Variants in STK17B observed in about 807,000 individuals in gnomAD.
STK17B encodes the protein serine/threonine kinase 17b.
Under a neutral mutation model 42.0 loss-of-function variants are expected in STK17B, and 21 were observed. That is an observed-to-expected ratio of 0.50 (90% CI 0.35 to 0.72). The LOEUF (loss-of-function observed/expected upper bound fraction) is 0.72. STK17B is among the 30% of genes least tolerant of loss of function. The pLI, the probability that STK17B is intolerant of heterozygous loss-of-function variation, is 0.00. For synonymous variants in STK17B, 143 were observed against 148.4 expected (o/e 0.96, Z 0.26); for missense variants, 349 against 446.0 (o/e 0.78, Z 1.96).
At position 196,137,477 on chromosome 2, in the gene STK17B, G is replaced by A; in HGVS notation, c.1089C>T (p.Pro363=). 1.9e-6 allele frequency: 3 copies of A among 1,613,968 alleles called. No individual in the cohort carries two copies. Among genetic ancestry groups the A allele is most frequent in the African/African-American group, 1.3e-5 (1 of 75,038 alleles). ...AGAGCAAATCTGAAACAAGTTCATG[G>A]GGATTGGGTAATGAGTCATCGAAAC... The part of the protein sequence containing the change: ...RFRFDDSLPN[P]HELVSDLLC The change falls in exon 8 of 8, where the codon CCC becomes CCT. Residue 363 remains proline (P), a synonymous_variant. Coordinates refer to ENST00000263955, the MANE Select transcript of STK17B (RefSeq NM_004226.4).
rs1173271695 is a variant in STK17B, at chr2:196,135,922, CACAT to C, written c.*1521_*1524del. On this transcript the variant is annotated 3_prime_UTR_variant, in exon 8 of 8. Coordinates refer to ENST00000263955, the MANE Select transcript of STK17B (RefSeq NM_004226.4). ...ACACCTGTACATACACACATGTGCA[CACAT>C]ACACACACAAGTAGAGAAAACTTTT... 6.6e-6 allele frequency: 1 copy of C among 151,920 alleles called. No homozygotes were observed. The highest frequency in any genetic ancestry group is 2.4e-5 in the African/African-American group (1 of 41,432). 9.4% of individuals were successfully genotyped at this position (151,920 alleles called of 1,614,324 possible).
intron 3 of STK17B, chr2:196,153,211 T>C (rs2105697493): frequency 7.8e-6 from 1 of 127,438 alleles, no homozygotes; most frequent in African/African-American, 2.8e-5. Context: ...TAACTCTAAC[T>C]AGATACCCTT....
upstream of STK17B, among the ~76,000 whole-genome samples, chr2:196,171,903 A>G (rs901542919): frequency 6.6e-6 from 1 of 152,138 alleles, no homozygotes; most frequent in Non-Finnish European, 1.5e-5. Flanking sequence ...TCCCACCTTC[A>G]GAGAGGTCAG....
chr2:196,166,638 GA>G (rs1230345572), intron 1 of STK17B, among the ~76,000 whole-genome samples: 1 of 152,082 alleles, frequency 6.6e-6, no homozygotes, highest in Non-Finnish European at 1.5e-5. Context: ...TATTTTTAAA[GA>G]TTTTTTTCAT....
At chr2:196,166,927 C>T (rs1211992377) in intron 1 of STK17B, among the ~76,000 whole-genome samples, 20 of 152,060 alleles carry the variant, frequency 1.3e-4, no homozygotes, top group Admixed American at 1.3e-3. Context: ...TGTTTTGATT[C>T]CTTCATTAGC....
intron 1 of STK17B, among the ~76,000 whole-genome samples, chr2:196,164,186 A>G (rs1699849200): frequency 6.6e-6 from 1 of 151,908 alleles, no homozygotes; most frequent in Non-Finnish European, 1.5e-5. Context: ...ACATATTGTG[A>G]GTTATATTAC....
chr2:196,163,404 G>A lies in STK17B; in HGVS notation c.-21C>T. Reference sequence around the variant, plus strand: ...GACATGTTAGGTGATTCCCAGGTCTGCTTCTTTAGTCACTTATTTTTACCT... The same window carrying A: ...GACATGTTAGGTGATTCCCAGGTCTACTTCTTTAGTCACTTATTTTTACCT... On this transcript the variant is annotated 5_prime_UTR_variant, in exon 2 of 8. Transcript: ENST00000263955. The A allele has an allele frequency of 1.3e-6, 2 of 1,561,558 alleles. No individual in the cohort carries two copies. Among genetic ancestry groups the A allele is most frequent in the Non-Finnish European group, 1.7e-6 (2 of 1,161,980 alleles).
intron 4 of STK17B, 31 bp from the exon 5 acceptor site, chr2:196,143,717 T>A (rs1447442641): frequency 6.8e-7 from 1 of 1,460,946 alleles, no homozygotes; most frequent in Admixed American, 2.5e-5. Flanking sequence ...ACATGATAAG[T>A]AATATACAAA....
intron 5 of STK17B, 130 bp from the exon 6 acceptor site, chr2:196,141,427 A>G: frequency 1.5e-6 from 1 of 671,228 alleles, no homozygotes; most frequent in Non-Finnish European, 2.6e-6. Flanking sequence ...TGGGAGGCTG[A>G]GGCAGGCAGA....
chr2:196,173,090 C>T (rs1279020933), upstream of STK17B, among the ~76,000 whole-genome samples: 4 of 152,110 alleles, frequency 2.6e-5, no homozygotes, highest in Non-Finnish European at 5.9e-5. Context: ...CCATACTCCC[C>T]GTCACTAATC....
intron 2 of STK17B, among the ~76,000 whole-genome samples, chr2:196,161,504 T>C (rs1012635987): frequency 6.9e-6 from 1 of 144,226 alleles, no homozygotes; most frequent in African/African-American, 2.6e-5. Context: ...AGGTAGATAT[T>C]ATAATTCTTT....
rs768851113 is a variant in STK17B, at chr2:196,137,553, T to C, written c.1013A>G (p.Glu338Gly). Reference protein sequence around the residue: ...SSCNGTCGDREDKENIPEDSS... With the variant: ...SSCNGTCGDRGDKENIPEDSS... ...ATCCTCTGGGATATTCTCTTTGTCT[T>C]CTCTATCACCACAGGTTCCATTACA... is the stretch of plus-strand genomic sequence containing the variant. Residue 338 changes from glutamate (E) to glycine (G), a missense_variant, in exon 8 of 8, where the codon GAA becomes GGA. Coordinates refer to ENST00000263955, the MANE Select transcript of STK17B (RefSeq NM_004226.4). The C allele has an allele frequency of 1.2e-6, 2 of 1,614,130 alleles. No homozygotes were observed. The highest frequency in any genetic ancestry group is 1.3e-5 in the African/African-American group (1 of 75,050).
At chr2:196,143,533 G>A (rs767632562) in intron 5 of STK17B, 27 bp downstream of exon 5, 17 of 1,574,706 alleles carry the variant, frequency 1.1e-5, no homozygotes, top group Non-Finnish European at 1.4e-5. Flanking sequence ...TTTCAAAATG[G>A]TATAGAAAAT....
rs950006605 is a variant in STK17B at position 196,134,677 on chromosome 2, C to T, written c.*2770G>A. On this transcript the variant is annotated 3_prime_UTR_variant, in exon 8 of 8. Coordinates refer to ENST00000263955, the MANE Select transcript of STK17B (RefSeq NM_004226.4). ...GGGAAAATAATTAAAATGACAATTG[C>T]AATTGTCATCTATATATCATCTATT... 1 of 152,112 alleles carries T rather than the reference C, an allele frequency of 6.6e-6. No homozygotes were observed. Among genetic ancestry groups the T allele is most frequent in the Non-Finnish European group, 1.5e-5 (1 of 68,024 alleles). 9.4% of individuals were successfully genotyped at this position (152,112 alleles called of 1,614,324 possible). A position where few individuals can be genotyped will look rare whatever the true frequency, so the allele number is the denominator to read the frequency against.
At chr2:196,152,828 T>A (rs1262039043) in intron 3 of STK17B, among the ~76,000 whole-genome samples, 1 of 152,190 alleles carries the variant, frequency 6.6e-6, no homozygotes, top group East Asian at 1.9e-4. Flanking sequence ...ATAAATGTGG[T>A]TAGCTACATA....
chr2:196,156,694 G>A (rs773840361), intron 2 of STK17B, 43 bp from the exon 3 acceptor site: 5 of 1,478,504 alleles, frequency 3.4e-6, no homozygotes, highest in Non-Finnish European at 4.7e-6. Flanking sequence ...TTTCTGCAGA[G>A]AACAACGTTA....
At position 196,156,267 on chromosome 2, in the gene STK17B, C is replaced by G. The variant is rs141270009; in HGVS notation, c.335+172G>C. On this transcript the variant is annotated intron_variant, in intron 3 of 7. Coordinates refer to ENST00000263955, the MANE Select transcript of STK17B (RefSeq NM_004226.4). ...TGCTGTTAGTTTTTGTGTATGTGCCCGAGGCTATACATTTAGTCTTATGAA... is the reference window on the plus strand; with the variant it reads ...TGCTGTTAGTTTTTGTGTATGTGCCGGAGGCTATACATTTAGTCTTATGAA... The G allele has an allele frequency of 1.3e-3, 729 of 566,634 alleles. 3 individuals are homozygous for G. The East Asian group carries it at 0.019, about 15-fold the overall frequency. The allele number at this position is 566,634 out of a possible 1,614,324, so 35.1% of individuals were successfully genotyped here. A position where few individuals can be genotyped will look rare whatever the true frequency, so the allele number is the denominator to read the frequency against.
upstream of STK17B, among the ~76,000 whole-genome samples, chr2:196,175,451 C>A (rs1699989184): frequency 6.6e-6 from 1 of 152,094 alleles, no homozygotes; most frequent in Non-Finnish European, 1.5e-5. Context: ...CATGGTGAAA[C>A]CCCGTCTCTA....
chr2:196,144,465 C>T (rs553331568), intron 4 of STK17B, among the ~76,000 whole-genome samples: 17 of 111,688 alleles, frequency 1.5e-4, no homozygotes, highest in East Asian at 1.1e-3. Context: ...TCAGCCTGGG[C>T]GACAGAGCGA....
Sources: allele counts gnomAD v4.1 joint callset (sites outside exome capture counted in the v4.1 genomes callset), GRCh38; gene constraint gnomAD v4.1.1; transcripts MANE v1.5; gene names NCBI Gene and HGNC (gene_info 2026-07-23, HGNC 2026-07-21).